MUC5B: variants seen among roughly 807,000 people sequenced by gnomAD.
The protein encoded by MUC5B is mucin 5B, oligomeric mucus/gel-forming, also known as mucin-5B.
In MUC5B, 116 loss-of-function variants were observed where a neutral mutation model predicts 376.9. The ratio of observed to expected loss-of-function variants is 0.31; its 90% confidence interval spans 0.26 to 0.36. The LOEUF (loss-of-function observed/expected upper bound fraction) is 0.36. MUC5B is among the 10% of genes least tolerant of loss of function. MUC5B has a pLI of 1.00. For missense variants in MUC5B, 7,165 were observed against 7,769.9 expected, an observed-to-expected ratio of 0.92 and a Z score of 2.93; for synonymous variants, 3,517 against 3,390.9, an observed-to-expected ratio of 1.04 and a Z score of -1.29.
chr11:1,241,211 C>T lies in MUC5B; in HGVS notation c.4331C>T (p.Pro1444Leu). 6.3e-7 allele frequency: 1 copy of T among 1,593,642 alleles called. No homozygotes were observed. Among genetic ancestry groups the T allele is most frequent in the Non-Finnish European group, 8.5e-7 (1 of 1,170,456 alleles). ...CCGGCCCCAGGCACCAGCCCTCAGC[C>T]CTCCCTCAGTGCCAGCACGGAGCCT... ...PSPAPGTSPQ[P>L]SLSASTEPAV... is the part of the protein sequence containing the mutation. Residue 1444 changes from proline to leucine, a missense_variant, in exon 31 of 49, where the codon CCC becomes CTC. By Grantham distance (98) the Pro-to-Leu change is moderately conservative. Around this residue, in one of 31 missense-constraint regions of MUC5B, gnomAD observed 517 missense variants for 545.3 expected, o/e 0.95. Coordinates refer to ENST00000529681, the MANE Select transcript of MUC5B (RefSeq NM_002458.3).
At chr11:1,259,718 G>A in intron 44 of MUC5B, 38 bp from the exon 45 acceptor site, 1 of 1,605,750 alleles carries the variant, frequency 6.2e-7, no homozygotes, top group African/African-American at 1.3e-5. Context: ...TGTGCTGGAG[G>A]AGAGGGTTAG....
rs901511209 is a variant in MUC5B, at chr11:1,234,114, G to C, written c.2378-91G>C. The C allele has an allele frequency of 9.1e-7, 1 of 1,104,012 alleles. No homozygotes were observed. Among genetic ancestry groups the C allele is most frequent in the Non-Finnish European group, 1.3e-6 (1 of 749,668 alleles). 68.4% of individuals were successfully genotyped at this position (1,104,012 alleles called of 1,614,324 possible). On this transcript the variant is annotated intron_variant, in intron 19 of 48. Transcript: ENST00000529681. This position sits in a 1 kb window ranked among gnomAD's most constrained non-coding sequence, Gnocchi z 6.3. ...GCTTTGGCTCGGGGGCTGTTAACTT[G>C]ATCAGCAGGACAGGCTCAGGGCTGC...
rs72846376 is a variant in MUC5B at position 1,253,876 on chromosome 11, G to C, written c.15218-216G>C. 8.5e-5 allele frequency among the ~76,000 whole-genome samples: 13 copies of C among 152,122 alleles called. No homozygotes were observed. The highest frequency in any genetic ancestry group is 3.1e-4 in the African/African-American group (13 of 41,438). ...CCCATCTGCAAAGACACTTTCTCCC[G>C]GCAAAGCCACATGCGGAGGTTCTGG... On this transcript the variant is annotated intron_variant, in intron 33 of 48. Transcript: ENST00000529681. The surrounding 1 kb of genome is among the most constrained non-coding windows in gnomAD (Gnocchi z 4.3).
Position 1,247,167 on chromosome 11 carries a change from C to G in MUC5B, c.10287C>G (p.Thr3429=). 1 of 1,547,608 alleles carries G rather than the reference C, an allele frequency of 6.5e-7. No individual in the cohort carries two copies. The highest frequency in any genetic ancestry group is 8.8e-7 in the Non-Finnish European group (1 of 1,133,992). The change falls in exon 31 of 49, where the codon ACC becomes ACG. Residue 3429 remains threonine, a synonymous_variant. Transcript: ENST00000529681. ...LTTTATTPAA[T]SSTVTPSSAL... Reference sequence around the variant, plus strand: ...CCACCGCCACCACACCTGCAGCCACCAGCAGCACAGTGACTCCCTCCTCTG... The same window carrying G: ...CCACCGCCACCACACCTGCAGCCACGAGCAGCACAGTGACTCCCTCCTCTG...
chr11:1,234,416 G>T lies in MUC5B; in HGVS notation c.2478+111G>T. 1.3e-6 allele frequency: 2 copies of T among 1,501,012 alleles called. No individual in the cohort carries two copies. The highest frequency in any genetic ancestry group is 2.0e-5 in the Admixed American group (1 of 50,134). 93.0% of individuals were successfully genotyped at this position (1,501,012 alleles called of 1,614,324 possible). On this transcript the variant is annotated intron_variant, in intron 20 of 48. Coordinates refer to ENST00000529681, the MANE Select transcript of MUC5B (RefSeq NM_002458.3). The surrounding 1 kb of genome is among the most constrained non-coding windows in gnomAD (Gnocchi z 6.3). ...AGACACTTACCCACCTGGAAGCTCCGCCCTGGCCCATGCGTTGCCCTGGGT... is the reference window on the plus strand; with the variant it reads ...AGACACTTACCCACCTGGAAGCTCCTCCCTGGCCCATGCGTTGCCCTGGGT...
Position 1,249,669 on chromosome 11 carries a change from T to C in MUC5B, c.12789T>C (p.Thr4263=), listed in dbSNP as rs757336274. The change falls in exon 31 of 49, where the codon ACT becomes ACC. Residue 4263 remains threonine (T), a synonymous_variant. Coordinates refer to ENST00000529681, the MANE Select transcript of MUC5B (RefSeq NM_002458.3). ...LTTTATTTAS[T]GSTATPSSTP... ...CAACAGCCACTACGACTGCATCCAC[T>C]GGATCCACGGCCACCCCGTCCTCCA... The C allele has an allele frequency of 1.2e-6, 2 of 1,609,296 alleles. No homozygotes were observed. The highest frequency in any genetic ancestry group is 1.7e-6 in the Non-Finnish European group (2 of 1,177,772).
chr11:1,229,373 G>A (rs2075860), intron 9 of MUC5B, 78 bp downstream of exon 9: 36 of 1,426,924 alleles, frequency 2.5e-5, no homozygotes, highest in Non-Finnish European at 3.2e-5. Context: ...CTCATCAGGC[G>A]TGGAAGCAGA....
In MUC5B at chr11:1,228,645, G is replaced by A. The variant is rs183999081; in HGVS notation, c.856G>A (p.Ala286Thr). 8.5e-6 allele frequency: 13 copies of A among 1,534,242 alleles called. No individual in the cohort carries two copies. Among genetic ancestry groups the A allele is most frequent in the South Asian group, 2.4e-5 (2 of 83,914 alleles). ...GGTGGACAGCACTGCGTACCTGGCC[G>A]CCTGCGCCCAGGACCTGTGCCGCTG... ...ALVDSTAYLAACAQDLCRCPT... is the reference protein window; with the variant it reads ...ALVDSTAYLATCAQDLCRCPT... Residue 286 changes from alanine (A) to threonine (T), a missense_variant, in exon 8 of 49, where the codon GCC becomes ACC. By Grantham distance (58) the Ala-to-Thr change is moderately conservative. This residue lies in a region of MUC5B where 640 missense variants were observed against 733.0 expected (regional missense o/e 0.87). Coordinates refer to ENST00000529681, the MANE Select transcript of MUC5B (RefSeq NM_002458.3).
In MUC5B at chr11:1,228,730, G is replaced by T. The variant is rs1320780857; in HGVS notation, c.941G>T (p.Gly314Val). 15 of 1,522,550 alleles carry T rather than the reference G, an allele frequency of 9.9e-6. No individual in the cohort carries two copies. The highest frequency in any genetic ancestry group is 1.2e-5 in the Non-Finnish European group (14 of 1,137,224). 94.3% of individuals were successfully genotyped at this position (1,522,550 alleles called of 1,614,324 possible). The change falls in exon 8 of 49, where the codon GGC becomes GTC. Residue 314 changes from glycine to valine, a missense_variant. Coordinates refer to ENST00000529681, the MANE Select transcript of MUC5B (RefSeq NM_002458.3). ...TCACGCCAGTGCGCCCACGCGGGGG[G>T]CCAGCCGCGGAACTGGAGGTGCCCT... is the stretch of plus-strand genomic sequence containing the variant. ...EYSRQCAHAG[G>V]QPRNWRCPEL...
At chr11:1,226,403 G>A (rs904227343) in intron 3 of MUC5B, 127 bp downstream of exon 3, 4 of 1,344,936 alleles carry the variant, frequency 3.0e-6, no homozygotes, top group Non-Finnish European at 4.1e-6. Flanking sequence ...TCCTCCGTGT[G>A]GGCGGTCTCC....
At position 1,257,312 on chromosome 11, in the gene MUC5B, G is replaced by T. The variant is rs771630375; in HGVS notation, c.16269+41G>T. 4 of 789,414 alleles carry T rather than the reference G, an allele frequency of 5.1e-6. No individual in the cohort carries two copies. The highest frequency in any genetic ancestry group is 3.4e-5 in the African/African-American group (2 of 59,298). 48.9% of individuals were successfully genotyped at this position (789,414 alleles called of 1,614,324 possible). A position where few individuals can be genotyped will look rare whatever the true frequency, so the allele number is the denominator to read the frequency against. Reference sequence around the variant, plus strand: ...CCCACCTGCCCTACCCCACCCTCTCGCGAGCTGAGGGAGGGAGGGAAGGAG... The same window carrying T: ...CCCACCTGCCCTACCCCACCCTCTCTCGAGCTGAGGGAGGGAGGGAAGGAG... On this transcript the variant is annotated intron_variant, in intron 40 of 48. Transcript: ENST00000529681. This position sits in a 1 kb window ranked among gnomAD's most constrained non-coding sequence, Gnocchi z 8.9.
At position 1,260,647 on chromosome 11, in the gene MUC5B, A is replaced by G; in HGVS notation, c.16988A>G (p.Asn5663Ser). ...CCAGACTCCTGTCAAGTCCGCATCA[A>G]CACGACCATCCTGTGGCACCAGGGC... ...CEEDSCQVRINTTILWHQGCE... is the reference protein window; with the variant it reads ...CEEDSCQVRISTTILWHQGCE... Residue 5663 changes from asparagine to serine, a missense_variant, in exon 48 of 49, where the codon AAC becomes AGC. Coordinates refer to ENST00000529681, the MANE Select transcript of MUC5B (RefSeq NM_002458.3). 6 of 1,612,656 alleles carry G rather than the reference A, an allele frequency of 3.7e-6. No homozygotes were observed. The highest frequency in any genetic ancestry group is 5.1e-6 in the Non-Finnish European group (6 of 1,179,798).
In MUC5B at chr11:1,250,160, C is replaced by T. The variant is rs1166756299; in HGVS notation, c.13280C>T (p.Thr4427Ile). ...TGGATCCTCACAGAGCTGACCACAA[C>T]AGCCACTACGACTGCGTCCACTGGA... ...TTWILTELTTTATTTASTGST... is the reference protein window; with the variant it reads ...TTWILTELTTIATTTASTGST... The change falls in exon 31 of 49, where the codon ACA (threonine) becomes ATA (isoleucine). Residue 4427 changes from threonine (T) to isoleucine (I), a missense_variant. Thr to Ile is a moderately conservative substitution (Grantham distance 89, BLOSUM62 -1). Coordinates refer to ENST00000529681, the MANE Select transcript of MUC5B (RefSeq NM_002458.3). 6.3e-7 allele frequency: 1 copy of T among 1,594,120 alleles called. No homozygotes were observed. The highest frequency in any genetic ancestry group is 1.3e-5 in the African/African-American group (1 of 74,674).
chr11:1,242,407 G>T lies in MUC5B; in HGVS notation c.5527G>T (p.Val1843Phe). 6.2e-7 allele frequency: 1 copy of T among 1,613,870 alleles called. No homozygotes were observed. Among genetic ancestry groups the T allele is most frequent in the Non-Finnish European group, 8.5e-7 (1 of 1,179,846 alleles). Residue 1843 changes from valine (V) to phenylalanine (F), a missense_variant, in exon 31 of 49, where the codon GTC becomes TTC. Val to Phe is a conservative substitution (Grantham distance 50). This residue lies in a region of MUC5B where 897 missense variants were observed against 779.6 expected (regional missense o/e 1.15). Coordinates refer to ENST00000529681, the MANE Select transcript of MUC5B (RefSeq NM_002458.3). ...CTACCCCGAGGTAAGCATCGACCAG[G>T]TCGGGCAGGTGCTGACCTGCAGCCT... ...ENYPEVSIDQ[V>F]GQVLTCSLET...
Position 1,242,028 on chromosome 11 carries a change from G to A in MUC5B, c.5148G>A (p.Thr1716=), listed in dbSNP as rs757395514. Residue 1716 remains threonine, a synonymous_variant, in exon 31 of 49, where the codon ACG becomes ACA. Coordinates refer to ENST00000529681, the MANE Select transcript of MUC5B (RefSeq NM_002458.3). ...CATGGCGCCCCTCACAGCCACCCACGCTGGCCCCAACAACAATGGCAACCT... is the reference window on the plus strand; with the variant it reads ...CATGGCGCCCCTCACAGCCACCCACACTGGCCCCAACAACAATGGCAACCT... The part of the protein sequence containing the change: ...LGTWRPSQPP[T]LAPTTMATSR... The A allele has an allele frequency of 1.4e-5, 23 of 1,587,244 alleles. No homozygotes were observed. In the East Asian group the frequency reaches 3.0e-4, roughly 21 times the overall value.
chr11:1,260,794 C>G, intron 48 of MUC5B, 66 bp downstream of exon 48: 8 of 1,249,950 alleles, frequency 6.4e-6, no homozygotes, highest in Non-Finnish European at 9.1e-6. Flanking sequence ...GGCCCGTCAG[C>G]TGGCTGGCAG....
In MUC5B at chr11:1,234,739, G is replaced by T; in HGVS notation, c.2630+59G>T. ...GGAGGGCGGGGGCGGGGAGGGCAGCGGGTGGGGAGGCAGCGGGCAGGGAGG... is the reference window on the plus strand; with the variant it reads ...GGAGGGCGGGGGCGGGGAGGGCAGCTGGTGGGGAGGCAGCGGGCAGGGAGG... On this transcript the variant is annotated intron_variant, in intron 21 of 48. Coordinates refer to ENST00000529681, the MANE Select transcript of MUC5B (RefSeq NM_002458.3). The surrounding 1 kb of genome is among the most constrained non-coding windows in gnomAD (Gnocchi z 6.3). The T allele has an allele frequency of 1.1e-6, 1 of 888,282 alleles. No individual in the cohort carries two copies. The highest frequency in any genetic ancestry group is 1.6e-6 in the Non-Finnish European group (1 of 609,146). 55.0% of individuals were successfully genotyped at this position (888,282 alleles called of 1,614,324 possible).
chr11:1,242,543 C>A lies in MUC5B; in HGVS notation c.5663C>A (p.Thr1888Asn). The A allele has an allele frequency of 1.2e-6, 2 of 1,613,820 alleles. No individual in the cohort carries two copies. The highest frequency in any genetic ancestry group is 1.7e-6 in the Non-Finnish European group (2 of 1,179,812). Residue 1888 changes from threonine (T) to asparagine (N), a missense_variant, in exon 31 of 49, where the codon ACC becomes AAC. This residue lies in a region of MUC5B where 897 missense variants were observed against 779.6 expected (regional missense o/e 1.15). Coordinates refer to ENST00000529681, the MANE Select transcript of MUC5B (RefSeq NM_002458.3). Reference sequence around the variant, plus strand: ...GACGACTACAGCCACTGCCCCAGTACCCCAGCCACCAGCTCCACGGCCACG... The same window carrying A: ...GACGACTACAGCCACTGCCCCAGTAACCCAGCCACCAGCTCCACGGCCACG... ...CCDDYSHCPSTPATSSTATPS... is the reference protein window; with the variant it reads ...CCDDYSHCPSNPATSSTATPS...
Position 1,247,080 on chromosome 11 carries a change from C to T in MUC5B, c.10200C>T (p.Thr3400=), listed in dbSNP as rs376457579. Residue 3400 remains threonine (T), a synonymous_variant, in exon 31 of 49, where the codon ACC becomes ACT. Transcript: ENST00000529681. ...LTTTATTITA[T]GSTTNPSSTP... ...CCACGGCCACTACGATCACAGCCAC[C>T]GGCTCCACCACCAACCCCTCCTCAA... 3.9e-5 allele frequency: 61 copies of T among 1,562,232 alleles called. 1 individual carries two copies. In the Middle Eastern group the frequency reaches 6.7e-4, roughly 17 times the overall value.
Sources: allele counts gnomAD v4.1 joint callset (sites outside exome capture counted in the v4.1 genomes callset), GRCh38; gene constraint gnomAD v4.1.1; regional missense constraint gnomAD v4.1.1; non-coding constraint Gnocchi (gnomAD v3.1); transcripts MANE v1.5; gene names NCBI Gene and HGNC (gene_info 2026-07-23, HGNC 2026-07-21).